TTBK2: variants seen among roughly 807,000 people sequenced by gnomAD.
TTBK2 encodes tau-tubulin kinase 2.
Under a neutral mutation model 110.8 loss-of-function variants are expected in TTBK2, and 28 were observed. The observed-to-expected ratio is 0.25, with a 90% confidence interval of 0.19 to 0.35. The LOEUF is 0.35. TTBK2 is among the 10% of genes least tolerant of loss of function. The pLI, the probability that TTBK2 is intolerant of heterozygous loss-of-function variation, is 1.00. For missense variants in TTBK2, 1,369 were observed against 1,500.3 expected (o/e 0.91, Z 1.45); for synonymous variants, 532 against 527.3 (o/e 1.01, Z -0.12).
At chr15:42,775,024 T>TC in intron 13 of TTBK2, 111 bp downstream of exon 13, 1 of 1,132,884 alleles carries the variant, frequency 8.8e-7, no homozygotes, top group Non-Finnish European at 1.3e-6. Flanking sequence ...CCCTGGGCCA[T>TC]CTGCAAAATT....
At position 42,815,964 on chromosome 15, in the gene TTBK2, T is replaced by A. The variant is rs866314319; in HGVS notation, c.603+1068A>T. 2.2e-3 allele frequency among the ~76,000 whole-genome samples: 242 copies of A among 108,076 alleles called. 10 individuals are homozygous for A. Among genetic ancestry groups the A allele is most frequent in the South Asian group, 0.011 (39 of 3,678 alleles). 70.9% of individuals were successfully genotyped at this position (108,076 alleles called of 152,430 possible). On this transcript the variant is annotated intron_variant, in intron 7 of 14. Transcript: ENST00000267890. ...TATATATATTTAAAAAAAAAATATATATATATATATATATTTGAGACGGAG... is the reference window on the plus strand; with the variant it reads ...TATATATATTTAAAAAAAAAATATAAATATATATATATATTTGAGACGGAG...
chr15:42,900,637 G>T (rs991683589), intron 1 of TTBK2, among the ~76,000 whole-genome samples: 2 of 151,924 alleles, frequency 1.3e-5, no homozygotes, highest in African/African-American at 4.8e-5. Context: ...CAGGAGAATC[G>T]CTTGAACCCG....
intron 6 of TTBK2, among the ~76,000 whole-genome samples, chr15:42,818,771 T>C (rs922149808): frequency 1.3e-5 from 2 of 150,092 alleles, no homozygotes; most frequent in Admixed American, 6.6e-5. Context: ...AAATAAGGGA[T>C]ATTCAACCTG....
At chr15:42,868,260 C>G (rs577265838) in intron 3 of TTBK2, among the ~76,000 whole-genome samples, 2 of 152,230 alleles carry the variant, frequency 1.3e-5, no homozygotes, top group South Asian at 4.1e-4. Flanking sequence ...TTGAGGAGCA[C>G]CTATATACAC....
Position 42,843,712 on chromosome 15 carries a change from T to C in TTBK2, c.218-3279A>G, listed in dbSNP as rs554870718. Among the ~76,000 whole-genome samples the C allele has an allele frequency of 2.7e-5, 4 of 146,984 alleles. No individual in the cohort carries two copies. In the South Asian group the frequency reaches 8.5e-4, roughly 31 times the overall value. On this transcript the variant is annotated intron_variant, in intron 3 of 14. Coordinates refer to ENST00000267890, the MANE Select transcript of TTBK2 (RefSeq NM_173500.4). ...AGGAGGAGGCTGCAGTGAGCCAAGA[T>C]TGCGCCGCTGCACTCCAGCCTGGGC...
intron 6 of TTBK2, among the ~76,000 whole-genome samples, chr15:42,819,865 TTG>T (rs1164023166): frequency 6.6e-6 from 1 of 152,218 alleles, no homozygotes; most frequent in African/African-American, 2.4e-5. Flanking sequence ...TAGAATTTTT[TTG>T]TGTTGTGTAA....
rs892670301 is a variant in TTBK2, at chr15:42,780,189, CTTTTTTTTTTTTTTTT to C, written c.1198-2963_1198-2948del. On this transcript the variant is annotated intron_variant, in intron 11 of 14. Coordinates refer to ENST00000267890, the MANE Select transcript of TTBK2 (RefSeq NM_173500.4). ...GGTACGTGCCAACATGCCCGGCTAA[CTTTTTTTTTTTTTTTT>C]TTTTTTTGGTAGAGATAGGGTTTTG... 1.5e-4 allele frequency among the ~76,000 whole-genome samples: 15 copies of C among 100,792 alleles called. 1 individual carries two copies. The highest frequency in any genetic ancestry group is 1.4e-3 in the Admixed American group (14 of 10,062). 66.1% of individuals were successfully genotyped at this position (100,792 alleles called of 152,430 possible). A position where few individuals can be genotyped will look rare whatever the true frequency, so the allele number is the denominator to read the frequency against.
At chr15:42,755,011 GAAAAAAAAA>G (rs71431863) in intron 13 of TTBK2, among the ~76,000 whole-genome samples, 5 of 69,842 alleles carry the variant, frequency 7.2e-5, no homozygotes, top group South Asian at 7.4e-4. Flanking sequence ...TCCATCTCAG[GAAAAAAAAA>G]AAAAAAAAAA....
chr15:42,863,455 T>C (rs1315297712), intron 3 of TTBK2, among the ~76,000 whole-genome samples: 3 of 152,184 alleles, frequency 2.0e-5, no homozygotes, highest in African/African-American at 2.4e-5. Context: ...AAACATTCCA[T>C]GCTCATGGAC....
chr15:42,769,907 G>A (rs554290630), intron 13 of TTBK2, among the ~76,000 whole-genome samples: 16 of 152,230 alleles, frequency 1.1e-4, no homozygotes, highest in African/African-American at 3.6e-4. Flanking sequence ...TATACACCAC[G>A]GAATACTATG....
chr15:42,848,836 T>C (rs1893577490), intron 3 of TTBK2, among the ~76,000 whole-genome samples: 1 of 152,250 alleles, frequency 6.6e-6, no homozygotes, highest in Non-Finnish European at 1.5e-5. Flanking sequence ...TGTACTTCTT[T>C]TGGAGTTACT....
At chr15:42,794,981 T>A (rs1890870727) in intron 9 of TTBK2, 180 bp from the exon 10 acceptor site, 1 of 719,434 alleles carries the variant, frequency 1.4e-6, no homozygotes, top group African/African-American at 1.8e-5. Context: ...TGAATTAATG[T>A]TGATTTTTCT....
At chr15:42,898,751 A>C (rs926997242) in intron 1 of TTBK2, among the ~76,000 whole-genome samples, 6 of 152,234 alleles carry the variant, frequency 3.9e-5, no homozygotes, top group African/African-American at 1.4e-4. Flanking sequence ...GAAAGCTGGT[A>C]GATAATGACT....
intron 1 of TTBK2, among the ~76,000 whole-genome samples, chr15:42,906,242 G>A (rs1473041479): frequency 1.3e-5 from 2 of 151,544 alleles, no homozygotes; most frequent in Admixed American, 6.6e-5. Context: ...CTAAACAACA[G>A]AAGAGAAACA....
In TTBK2 at chr15:42,745,573, A is replaced by G; in HGVS notation, c.*222T>C. ...TTTCTCCCCCTTGGATTTTTGCTCT[A>G]TTTTTCCTTCTTGTACAAAGACATT... On this transcript the variant is annotated 3_prime_UTR_variant, in exon 15 of 15. Transcript: ENST00000267890. 1.7e-6 allele frequency: 1 copy of G among 600,450 alleles called. No homozygotes were observed. Among genetic ancestry groups the G allele is most frequent in the South Asian group, 2.1e-5 (1 of 48,184 alleles). 37.2% of individuals were successfully genotyped at this position (600,450 alleles called of 1,614,324 possible).
chr15:42,920,719 C>A lies in TTBK2; in HGVS notation c.-349G>T. The A allele has an allele frequency of 1.3e-5, 2 of 154,244 alleles. No homozygotes were observed. The highest frequency in any genetic ancestry group is 3.9e-4 in the South Asian group (2 of 5,146). 9.6% of individuals were successfully genotyped at this position (154,244 alleles called of 1,614,324 possible). ...GCTCTTGTGCCAGCACCTGCTCCCC[C>A]TCCTGCCGCCGCCGCCGCCTCGTCC... On this transcript the variant is annotated 5_prime_UTR_variant, in exon 1 of 15. The change creates a new upstream start codon in the 5' untranslated region. Transcript: ENST00000267890.
chr15:42,744,453 C>T lies in TTBK2; in HGVS notation c.*1342G>A, dbSNP rs902977121. The T allele has an allele frequency of 2.0e-5, 3 of 152,344 alleles. No homozygotes were observed. Among genetic ancestry groups the T allele is most frequent in the Non-Finnish European group, 4.4e-5 (3 of 68,032 alleles). The allele number at this position is 152,344 out of a possible 1,614,324, so 9.4% of individuals were successfully genotyped here. A position where few individuals can be genotyped will look rare whatever the true frequency, so the allele number is the denominator to read the frequency against. Reference sequence around the variant, plus strand: ...TTCAACAGCAAGCAGACCAATTTACCTGACCTTAATAAGGTCTTTACAACA... The same window carrying T: ...TTCAACAGCAAGCAGACCAATTTACTTGACCTTAATAAGGTCTTTACAACA... On this transcript the variant is annotated 3_prime_UTR_variant, in exon 15 of 15. Coordinates refer to ENST00000267890, the MANE Select transcript of TTBK2 (RefSeq NM_173500.4).
intron 1 of TTBK2, among the ~76,000 whole-genome samples, chr15:42,906,482 G>C (rs1347622790): frequency 6.6e-6 from 1 of 151,864 alleles, no homozygotes. Context: ...AAAGTTATTA[G>C]TAATAGAAAA....
Position 42,791,208 on chromosome 15 carries a change from C to T in TTBK2, c.980+3436G>A, listed in dbSNP as rs144765066. 6.1e-3 allele frequency among the ~76,000 whole-genome samples: 931 copies of T among 151,982 alleles called. 1 individual carries two copies. The highest frequency in any genetic ancestry group is 6.9e-3 in the Non-Finnish European group (470 of 67,938). ...CAATTTTTGTATTTTTCAGTAGAAA[C>T]GGGGTTTCACCATATTGGACAGGCT... On this transcript the variant is annotated intron_variant, in intron 10 of 14. Transcript: ENST00000267890.
Sources: allele counts gnomAD v4.1 joint callset (sites outside exome capture counted in the v4.1 genomes callset), GRCh38; gene constraint gnomAD v4.1.1; transcripts MANE v1.5; gene names NCBI Gene and HGNC (gene_info 2026-07-23, HGNC 2026-07-21).